The following NAXD variants were observed in gnomAD, a reference collection of about 807,000 sequenced individuals.
NAXD encodes the protein ATP-dependent (S)-NAD(P)H-hydrate dehydratase.
A neutral mutation model predicts 35.8 loss-of-function variants in NAXD; 22 were observed. That is an observed-to-expected ratio of 0.62 (90% CI 0.44 to 0.88). NAXD has a LOEUF of 0.88. Ranked by LOEUF, NAXD falls within the 40% of genes least tolerant of loss-of-function variation. The probability of loss-of-function intolerance (pLI) is 0.00; values close to 1 mark genes in which losing one functional copy is unlikely to be tolerated. For synonymous variants in NAXD, 189 were observed against 177.6 expected, an observed-to-expected ratio of 1.06 and a Z score of -0.51; for missense variants, 428 against 437.7, an observed-to-expected ratio of 0.98 and a Z score of 0.20.
intron 9 of NAXD, chr13:110,637,833 CTCA>C (rs1425813184): frequency 2.1e-6 from 1 of 468,818 alleles, no homozygotes; most frequent in Non-Finnish European, 4.2e-6. Context: ...ATCCAGTGGC[CTCA>C]TGTGTCCTCA....
intron 1 of NAXD, among the ~76,000 whole-genome samples, chr13:110,619,173 G>T (rs890452576): frequency 6.6e-6 from 1 of 152,012 alleles, no homozygotes; most frequent in African/African-American, 2.4e-5. Flanking sequence ...AAGTGCAAAT[G>T]GGTAGTTCAG....
At chr13:110,620,952 G>C (rs1886241570) in intron 1 of NAXD, among the ~76,000 whole-genome samples, 1 of 152,194 alleles carries the variant, frequency 6.6e-6, no homozygotes, top group Admixed American at 6.5e-5. Context: ...GAACATACCA[G>C]CATTTCTCTC....
chr13:110,634,671 G>A lies in NAXD; in HGVS notation c.493-1G>A. 6.2e-7 allele frequency: 1 copy of A among 1,614,194 alleles called. No individual in the cohort carries two copies. The highest frequency in any genetic ancestry group is 1.7e-5 in the Admixed American group (1 of 60,030). On this transcript the variant is annotated splice_acceptor_variant, in intron 6 of 9. Coordinates refer to ENST00000680254, the MANE Select transcript of NAXD (RefSeq NM_001242882.2). LOFTEE classifies it high-confidence loss of function. Reference sequence around the variant, plus strand: ...TGAGCACGGCTCCTTGTTCTGTGCAGGATGGCCTGTGGCTGGTCGCTCAGC... The same window carrying A: ...TGAGCACGGCTCCTTGTTCTGTGCAAGATGGCCTGTGGCTGGTCGCTCAGC...
chr13:110,637,084 A>G, intron 8 of NAXD, 45 bp from the exon 9 acceptor site: 1 of 1,570,522 alleles, frequency 6.4e-7, no homozygotes, highest in Non-Finnish European at 8.6e-7. Context: ...TCACATTCAC[A>G]CACATGGCCA....
Position 110,628,396 on chromosome 13 carries a change from A to C in NAXD, c.441+849A>C, listed in dbSNP as rs978892856. ...ACTGCATGGGGATCAGAGGCCGGGC[A>C]TTAGTGAGGGACTACGCTTGAAGCC... On this transcript the variant is annotated intron_variant, in intron 5 of 9. Transcript: ENST00000680254. This position sits in a 1 kb window ranked among gnomAD's most constrained non-coding sequence, Gnocchi z 4.1. Among the ~76,000 whole-genome samples the C allele has an allele frequency of 1.3e-5, 2 of 152,188 alleles. No individual in the cohort carries two copies. The highest frequency in any genetic ancestry group is 2.9e-5 in the Non-Finnish European group (2 of 68,030).
At chr13:110,633,129 G>A in intron 5 of NAXD, among the ~76,000 whole-genome samples, 1 of 152,186 alleles carries the variant, frequency 6.6e-6, no homozygotes, top group Non-Finnish European at 1.5e-5. Flanking sequence ...CATGGAGGGG[G>A]TGGGAGGCTC....
At chr13:110,626,167 T>TA (rs150854322) in intron 4 of NAXD, among the ~76,000 whole-genome samples, 5,856 of 151,872 alleles carry the variant, frequency 0.039, 221 homozygotes, top group African/African-American at 0.1. Context: ...GTGTGGGTCA[T>TA]AAAGGCTCCT....
At chr13:110,633,465 G>C (rs1001282718) in intron 5 of NAXD, among the ~76,000 whole-genome samples, 3 of 152,260 alleles carry the variant, frequency 2.0e-5, no homozygotes, top group East Asian at 1.9e-4. Flanking sequence ...GGCCAGCCCA[G>C]AAAGGGGCTC....
intron 5 of NAXD, 148 bp downstream of exon 5, chr13:110,627,695 A>G: frequency 1.6e-6 from 1 of 635,380 alleles, no homozygotes; most frequent in Admixed American, 2.5e-5. Flanking sequence ...CGGAGGAGAA[A>G]CTGAGTGCAA....
Position 110,634,800 on chromosome 13 carries a change from G to T in NAXD, c.597+24G>T, listed in dbSNP as rs370456018. 8.3e-6 allele frequency: 13 copies of T among 1,564,872 alleles called. No homozygotes were observed. The South Asian group carries it at 8.9e-5, about 11-fold the overall frequency. Reference sequence around the variant, plus strand: ...TGGTGAGTCAGTGGACCCCCTGGAGGGTAGATGCAAGCCCTGTTCGTCCTG... The same window carrying T: ...TGGTGAGTCAGTGGACCCCCTGGAGTGTAGATGCAAGCCCTGTTCGTCCTG... On this transcript the variant is annotated intron_variant, in intron 7 of 9. Transcript: ENST00000680254.
chr13:110,638,458 G>A lies in NAXD; in HGVS notation c.920G>A (p.Gly307Asp). ...AACCACCAAGCCTTCCAGAAGCACG[G>A]TCGCTCCACCACCACCTCCGACATG... ...QCNHQAFQKH[G>D]RSTTTSDMIA... Residue 307 changes from glycine (G) to aspartate (D), a missense_variant, in exon 10 of 10, where the codon GGT becomes GAT. Coordinates refer to ENST00000680254, the MANE Select transcript of NAXD (RefSeq NM_001242882.2). This position sits in a 1 kb window ranked among gnomAD's most constrained non-coding sequence, Gnocchi z 5.4. 6.2e-7 allele frequency: 1 copy of A among 1,613,394 alleles called. No individual in the cohort carries two copies. Among genetic ancestry groups the A allele is most frequent in the Middle Eastern group, 1.6e-4 (1 of 6,062 alleles).
chr13:110,631,806 G>C (rs889260668), intron 5 of NAXD, among the ~76,000 whole-genome samples: 2 of 152,182 alleles, frequency 1.3e-5, no homozygotes, highest in African/African-American at 4.8e-5. Flanking sequence ...CTCCCTGGAA[G>C]GGGCTTCAGG....
intron 2 of NAXD, 98 bp from the exon 3 acceptor site, chr13:110,624,136 T>A: frequency 1.4e-6 from 1 of 735,258 alleles, no homozygotes; most frequent in Non-Finnish European, 2.4e-6. Context: ...ACCATGTCTA[T>A]ATTATTTATG....
At chr13:110,616,037 C>CG (rs1447065559) in intron 1 of NAXD, 2 of 376,638 alleles carry the variant, frequency 5.3e-6, no homozygotes, top group Non-Finnish European at 9.4e-6. Flanking sequence ...GGCCGGGGAA[C>CG]GGGGGGCCGA....
chr13:110,624,606 C>T (rs1886392102), intron 3 of NAXD, among the ~76,000 whole-genome samples: 2 of 152,070 alleles, frequency 1.3e-5, no homozygotes, highest in Non-Finnish European at 1.5e-5. Context: ...TTACAGGCAC[C>T]TGCCACCACG....
Position 110,637,187 on chromosome 13 carries a change from G to A in NAXD, c.777G>A (p.Leu259=), listed in dbSNP as rs777987782. ...GGTGTGGAGGGCAAGGGGACCTCCT[G>A]TCGGGCTCCCTGGGCGTCCTGGTAC... The part of the protein sequence containing the change: ...SRRCGGQGDL[L]SGSLGVLVHW... The change falls in exon 9 of 10, where the codon CTG becomes CTA. Residue 259 remains leucine (L), a synonymous_variant. Transcript: ENST00000680254. 4 of 1,613,916 alleles carry A rather than the reference G, an allele frequency of 2.5e-6. No homozygotes were observed. In the African/African-American group the frequency reaches 4.0e-5, roughly 16 times the overall value.
chr13:110,615,779 C>G, intron 1 of NAXD, 132 bp downstream of exon 1: 1 of 1,372,590 alleles, frequency 7.3e-7, no homozygotes. Flanking sequence ...ACGCAGGTAC[C>G]CGACCGCTGA....
In NAXD at chr13:110,627,500, G is replaced by T; in HGVS notation, c.394G>T (p.Val132Leu). Reference protein sequence around the residue: ...KWLPRLHALVVGPGLGRDDAL... With the variant: ...KWLPRLHALVLGPGLGRDDAL... ...GCTGCCCCGGCTGCATGCTCTTGTCGTAGGACCTGGCTTGGGTAGAGATGA... is the reference window on the plus strand; with the variant it reads ...GCTGCCCCGGCTGCATGCTCTTGTCTTAGGACCTGGCTTGGGTAGAGATGA... Residue 132 changes from valine (V) to leucine (L), a missense_variant, in exon 5 of 10, where the codon GTA (valine) becomes TTA (leucine). Transcript: ENST00000680254. 1 of 1,614,060 alleles carries T rather than the reference G, an allele frequency of 6.2e-7. No individual in the cohort carries two copies. Among genetic ancestry groups the T allele is most frequent in the Non-Finnish European group, 8.5e-7 (1 of 1,179,970 alleles).
chr13:110,615,914 A>G, intron 1 of NAXD: 1 of 655,210 alleles, frequency 1.5e-6, no homozygotes, highest in Non-Finnish European at 2.2e-6. Context: ...CGGCGCGGCG[A>G]CGGCTGGGCG....
Sources: gnomAD v4.1 joint callset for allele counts (sites outside exome capture counted in the v4.1 genomes callset) on GRCh38, gnomAD v4.1.1 for gene constraint, Gnocchi (gnomAD v3.1) non-coding constraint, MANE v1.5 for transcripts, NCBI Gene and HGNC (gene_info 2026-07-23, HGNC 2026-07-21) for gene names.